Variants in CMYA5 observed in about 807,000 individuals in gnomAD.
CMYA5 encodes cardiomyopathy-associated protein 5.
In CMYA5, 246 loss-of-function variants were observed where a neutral mutation model predicts 318.9. That is an observed-to-expected ratio of 0.77 (90% CI 0.70 to 0.86). CMYA5 has a LOEUF of 0.86. Ranked by LOEUF, CMYA5 falls within the 40% of genes least tolerant of loss-of-function variation. The pLI, the probability that CMYA5 is intolerant of heterozygous loss-of-function variation, is 0.00. For missense variants in CMYA5, 4,589 were observed against 4,678.2 expected, an observed-to-expected ratio of 0.98 and a Z score of 0.56; for synonymous variants, 1,641 against 1,729.5, an observed-to-expected ratio of 0.95 and a Z score of 1.27.
intron 1 of CMYA5, among the ~76,000 whole-genome samples, chr5:79,720,118 C>A (rs1041812782): frequency 6.6e-6 from 1 of 152,030 alleles, no homozygotes; most frequent in Non-Finnish European, 1.5e-5. Flanking sequence ...GAGGCAGAAG[C>A]AATATTTGAA....
Position 79,733,099 on chromosome 5 carries a change from T to G in CMYA5, c.4334T>G (p.Phe1445Cys). 3 of 1,613,730 alleles carry G rather than the reference T, an allele frequency of 1.9e-6. No individual in the cohort carries two copies. Among genetic ancestry groups the G allele is most frequent in the Non-Finnish European group, 2.5e-6 (3 of 1,179,808 alleles). ...TCAGAAGCAGAGAAGGAAATTAAAT[T>G]TGATTCACTTCCAAGTGTCTCCTCT... is the stretch of plus-strand genomic sequence containing the variant. ...AWSEAEKEIK[F>C]DSLPSVSSIA... The change falls in exon 2 of 13, where the codon TTT becomes TGT. Residue 1445 changes from phenylalanine (F) to cysteine (C), a missense_variant. Around this residue, in one of 3 missense-constraint regions of CMYA5, gnomAD observed 2,132 missense variants for 2,131.3 expected, o/e 1.00. Coordinates refer to ENST00000446378, the MANE Select transcript of CMYA5 (RefSeq NM_153610.5).
In CMYA5 at chr5:79,791,042, G is replaced by C; in HGVS notation, c.11762G>C (p.Ser3921Thr). ...ATTTCCTCAAGTGGGACAGTGATCA[G>C]CTTTGGTGAGAGGAGACGGCTGACG... is the stretch of plus-strand genomic sequence containing the variant. ...LHISSSGTVI[S>T]FGERRRLTEI... is the part of the protein sequence containing the mutation. Residue 3921 changes from serine (S) to threonine (T), a missense_variant, in exon 11 of 13, where the codon AGC (serine) becomes ACC (threonine). Physicochemically the swap from Ser to Thr is moderately conservative, Grantham distance 58. Transcript: ENST00000446378. 6.2e-7 allele frequency: 1 copy of C among 1,613,756 alleles called. No individual in the cohort carries two copies. The highest frequency in any genetic ancestry group is 8.5e-7 in the Non-Finnish European group (1 of 1,179,736).
Position 79,732,535 on chromosome 5 carries a change from A to C in CMYA5, c.3770A>C (p.Lys1257Thr), listed in dbSNP as rs1219454927. The stretch of plus-strand genomic sequence containing the variant: ...GAGCCAAAGAAGGGTGTCAAGCCCA[A>C]ATTAGTTCTAAATGTGACTTCTGAA... Reference protein sequence around the residue: ...VDEPKKGVKPKLVLNVTSELE... With the variant: ...VDEPKKGVKPTLVLNVTSELE... The change falls in exon 2 of 13, where the codon AAA becomes ACA. Residue 1257 changes from lysine (K) to threonine (T), a missense_variant. Coordinates refer to ENST00000446378, the MANE Select transcript of CMYA5 (RefSeq NM_153610.5). The C allele has an allele frequency of 1.9e-6, 3 of 1,613,146 alleles. No individual in the cohort carries two copies. Among genetic ancestry groups the C allele is most frequent in the Non-Finnish European group, 2.5e-6 (3 of 1,179,596 alleles).
intron 9 of CMYA5, among the ~76,000 whole-genome samples, chr5:79,773,223 C>T (rs1446634915): frequency 6.6e-6 from 1 of 152,144 alleles, no homozygotes; most frequent in African/African-American, 2.4e-5. Flanking sequence ...ATATGTGTTA[C>T]TGGAATGAGT....
Position 79,745,205 on chromosome 5 carries a change from TGC to T in CMYA5, c.10735-16_10735-15del. Reference sequence around the variant, plus strand: ...TGTTTCATTCAGAAGTGGGCTTTTTTGCTTGTTTGTTTTCAGGAAAACTGTAG... The same window carrying T: ...TGTTTCATTCAGAAGTGGGCTTTTTTTTGTTTGTTTTCAGGAAAACTGTAG... On this transcript the variant is annotated splice_polypyrimidine_tract_variant and intron_variant, in intron 3 of 12. Transcript: ENST00000446378. 6.6e-7 allele frequency: 1 copy of T among 1,509,360 alleles called. No individual in the cohort carries two copies. The highest frequency in any genetic ancestry group is 1.4e-5 in the African/African-American group (1 of 71,572). The allele number at this position is 1,509,360 out of a possible 1,614,324, so 93.5% of individuals were successfully genotyped here.
intron 12 of CMYA5, among the ~76,000 whole-genome samples, chr5:79,793,907 G>A (rs150639177): frequency 1.3e-5 from 2 of 152,340 alleles, no homozygotes; most frequent in East Asian, 3.9e-4. Context: ...CTGCAGGGCA[G>A]AGTTGGTGCC....
rs374551894 is a variant in CMYA5, at chr5:79,730,881, G to T, written c.2116G>T (p.Ala706Ser). 18 of 1,613,786 alleles carry T rather than the reference G, an allele frequency of 1.1e-5. No homozygotes were observed. The African/African-American group carries it at 2.4e-4, about 22-fold the overall frequency. The change falls in exon 2 of 13, where the codon GCA (alanine) becomes TCA (serine). Residue 706 changes from alanine to serine, a missense_variant. Around this residue, in one of 3 missense-constraint regions of CMYA5, gnomAD observed 2,132 missense variants for 2,131.3 expected, o/e 1.00. Transcript: ENST00000446378. The stretch of plus-strand genomic sequence containing the variant: ...TTCTGAATATTCAGTTCCATCACTG[G>T]CAACAAAAGAGTCACTGAAGAAAAC... Reference protein sequence around the residue: ...SASEYSVPSLATKESLKKTID... With the variant: ...SASEYSVPSLSTKESLKKTID...
chr5:79,711,172 A>G (rs1480436718), intron 1 of CMYA5, among the ~76,000 whole-genome samples: 4 of 152,192 alleles, frequency 2.6e-5, no homozygotes, highest in South Asian at 2.1e-4. Context: ...TATAAGTTCT[A>G]TTTTACTGTT....
rs182235923 is a variant in CMYA5, at chr5:79,734,207, T to C, written c.5442T>C (p.Pro1814=). Residue 1814 remains proline (P), a synonymous_variant, in exon 2 of 13, where the codon CCT becomes CCC. Coordinates refer to ENST00000446378, the MANE Select transcript of CMYA5 (RefSeq NM_153610.5). ...QSITEPSKIA[P]SDLLVEQKKT... ...TAACAGAACCATCAAAGATTGCTCC[T>C]TCTGACCTCCTTGTAGAACAAAAAA... is the stretch of plus-strand genomic sequence containing the variant. 47 of 1,613,806 alleles carry C rather than the reference T, an allele frequency of 2.9e-5. No homozygotes were observed. In the African/African-American group the frequency reaches 4.5e-4, roughly 16 times the overall value.
In CMYA5 at chr5:79,799,386, A is replaced by G. The variant is rs1829330252; in HGVS notation, c.11980A>G (p.Ser3994Gly). Reference protein sequence around the residue: ...SEPQRYTFFYSGIVSDVHVTE... With the variant: ...SEPQRYTFFYGGIVSDVHVTE... Reference sequence around the variant, plus strand: ...TCATTTCAGATACACATTTTTCTACAGTGGTATTGTGAGTGATGTTCATGT... The same window carrying G: ...TCATTTCAGATACACATTTTTCTACGGTGGTATTGTGAGTGATGTTCATGT... Residue 3994 changes from serine (S) to glycine (G), a missense_variant, in exon 13 of 13, where the codon AGT (serine) becomes GGT (glycine). Physicochemically the swap from Ser to Gly is moderately conservative, Grantham distance 56 (BLOSUM62 0). This residue lies in a region of CMYA5 where 2,431 missense variants were observed against 2,495.1 expected (regional missense o/e 0.97). Coordinates refer to ENST00000446378, the MANE Select transcript of CMYA5 (RefSeq NM_153610.5). 6.3e-7 allele frequency: 1 copy of G among 1,596,466 alleles called. No individual in the cohort carries two copies. The highest frequency in any genetic ancestry group is 1.7e-5 in the Admixed American group (1 of 59,292).
At chr5:79,699,610 T>C (rs976042083) in intron 1 of CMYA5, among the ~76,000 whole-genome samples, 2 of 152,184 alleles carry the variant, frequency 1.3e-5, no homozygotes, top group Admixed American at 1.3e-4. Context: ...CAGAGCAGAC[T>C]GGGTGATATA....
intron 2 of CMYA5, among the ~76,000 whole-genome samples, chr5:79,739,665 AACACAC>A (rs368541481): frequency 1.3e-5 from 2 of 149,916 alleles, no homozygotes; most frequent in Non-Finnish European, 3.0e-5. Flanking sequence ...ATCCAGGAAA[AACACAC>A]ACACACACAC....
intron 9 of CMYA5, among the ~76,000 whole-genome samples, chr5:79,764,786 G>GTCTTCTTT (rs1288228887): frequency 6.6e-6 from 1 of 152,138 alleles, no homozygotes; most frequent in East Asian, 1.9e-4. Context: ...CAGCATAAAT[G>GTCTTCTTT]TCTTCTTTTG....
In CMYA5 at chr5:79,724,659, A is replaced by G. The variant is rs1827712653; in HGVS notation, c.150-4256A>G. 2.0e-5 allele frequency among the ~76,000 whole-genome samples: 3 copies of G among 152,196 alleles called. No homozygotes were observed. In the South Asian group the frequency reaches 6.2e-4, roughly 31 times the overall value. On this transcript the variant is annotated intron_variant, in intron 1 of 12. Transcript: ENST00000446378. Reference sequence around the variant, plus strand: ...GAGGGGAATGGATGAGATGATTTTCATAGCCAATATCTTTTAACTATGAAA... The same window carrying G: ...GAGGGGAATGGATGAGATGATTTTCGTAGCCAATATCTTTTAACTATGAAA...
chr5:79,776,483 G>GT (rs544029281), intron 9 of CMYA5, among the ~76,000 whole-genome samples: 3 of 151,122 alleles, frequency 2.0e-5, no homozygotes, highest in Admixed American at 6.6e-5. Context: ...TTCTCAAGTA[G>GT]TTTTTTTTTC....
At chr5:79,766,125 G>A (rs921473157) in intron 9 of CMYA5, among the ~76,000 whole-genome samples, 1 of 152,242 alleles carries the variant, frequency 6.6e-6, no homozygotes, top group Admixed American at 6.5e-5. Flanking sequence ...TTGAGACGGG[G>A]TGTCCCTCTG....
At chr5:79,747,955 A>G (rs1315070204) in intron 5 of CMYA5, among the ~76,000 whole-genome samples, 1 of 152,230 alleles carries the variant, frequency 6.6e-6, no homozygotes, top group African/African-American at 2.4e-5. Flanking sequence ...ATAATGTATT[A>G]TAATATAAAA....
intron 6 of CMYA5, among the ~76,000 whole-genome samples, chr5:79,753,068 T>G (rs1474109731): frequency 6.6e-6 from 1 of 152,152 alleles, no homozygotes; most frequent in Non-Finnish European, 1.5e-5. Flanking sequence ...CTTTTTTTTT[T>G]TCTTTAATTT....
intron 9 of CMYA5, among the ~76,000 whole-genome samples, chr5:79,768,808 G>A (rs930922131): frequency 6.6e-6 from 1 of 152,070 alleles, no homozygotes; most frequent in Non-Finnish European, 1.5e-5. Context: ...CTTTGTGGTG[G>A]TCTCTGTGTT....
Sources: gnomAD v4.1 joint callset for allele counts (sites outside exome capture counted in the v4.1 genomes callset) on GRCh38, gnomAD v4.1.1 for gene constraint, gnomAD v4.1.1 regional missense constraint, MANE v1.5 for transcripts, NCBI Gene and HGNC (gene_info 2026-07-23, HGNC 2026-07-21) for gene names.